C12orf42: variants seen among roughly 807,000 people sequenced by gnomAD.
C12orf42 encodes the protein uncharacterized protein C12orf42.
A neutral mutation model predicts 21.6 loss-of-function variants in C12orf42; 25 were observed. The observed-to-expected ratio is 1.16, with a 90% CI of 0.84 to 1.62. The LOEUF is 1.62. C12orf42 is among the 40% of genes most tolerant of loss of function. The pLI is 0.00. For synonymous variants in C12orf42, 174 were observed against 175.0 expected (o/e 0.99, Z 0.05); for missense variants, 483 against 459.3 (o/e 1.05, Z -0.47).
At chr12:103,256,990 T>TA (rs529484079) in intron 10 of C12orf42, among the ~76,000 whole-genome samples, 29 of 152,146 alleles carry the variant, frequency 1.9e-4, no homozygotes, top group Admixed American at 5.9e-4. Flanking sequence ...TTTGACTGGA[T>TA]AAAAAAATGC....
At chr12:103,397,889 T>TATATTTCA (rs1328516214) in intron 3 of C12orf42, 1 of 152,172 alleles carries the variant, frequency 6.6e-6, no homozygotes, top group African/African-American at 2.4e-5. Context: ...CAATGTATTA[T>TATATTTCA]ATATTTCGAA....
the C12orf42 span, among the ~76,000 whole-genome samples, chr12:103,509,388 A>G: frequency 6.6e-6 from 1 of 152,186 alleles, no homozygotes; most frequent in Non-Finnish European, 1.5e-5. Context: ...AAAGGAAAAA[A>G]TAAATCTCAG....
the C12orf42 span, among the ~76,000 whole-genome samples, chr12:103,053,745 T>C: frequency 6.6e-6 from 1 of 151,930 alleles, no homozygotes; most frequent in African/African-American, 2.4e-5. Context: ...TTCATTTAAG[T>C]CCATGATCTG....
chr12:103,189,212 GCAGT>G, the C12orf42 span, among the ~76,000 whole-genome samples: 1 of 152,174 alleles, frequency 6.6e-6, no homozygotes, highest in Non-Finnish European at 1.5e-5. Context: ...GAGCTTTTTA[GCAGT>G]CAGTACAAAG....
intron 4 of C12orf42, among the ~76,000 whole-genome samples, chr12:103,289,553 C>T (rs2036666844): frequency 6.6e-6 from 1 of 151,996 alleles, no homozygotes; most frequent in South Asian, 2.1e-4. Flanking sequence ...AAAAATTTTT[C>T]CTATAGTGAA....
the C12orf42 span, among the ~76,000 whole-genome samples, chr12:103,080,541 G>A: frequency 6.6e-6 from 1 of 151,990 alleles, no homozygotes; most frequent in Non-Finnish European, 1.5e-5. Context: ...ACTTTATCCA[G>A]CACCTGACTA....
chr12:103,255,181 G>A (rs1179311270), intron 10 of C12orf42, among the ~76,000 whole-genome samples: 1 of 152,012 alleles, frequency 6.6e-6, no homozygotes, highest in Admixed American at 6.6e-5. Context: ...GACCATCCTG[G>A]CCAACATGGT....
the C12orf42 span, among the ~76,000 whole-genome samples, chr12:103,066,895 C>G: frequency 1.3e-5 from 2 of 152,130 alleles, no homozygotes; most frequent in African/African-American, 4.8e-5. Flanking sequence ...TGTGGGACAC[C>G]ACCCAGCCTC....
chr12:103,065,506 G>C, the C12orf42 span, among the ~76,000 whole-genome samples: 3 of 152,180 alleles, frequency 2.0e-5, no homozygotes. Flanking sequence ...ATCTTAGTCA[G>C]AGAGATCTTG....
the C12orf42 span, among the ~76,000 whole-genome samples, chr12:103,151,323 C>T: frequency 2.3e-3 from 340 of 147,176 alleles, no homozygotes; most frequent in Non-Finnish European, 3.6e-3. Context: ...AATATCAATT[C>T]TGCACAAACT....
At chr12:103,204,395 C>T in the C12orf42 span, among the ~76,000 whole-genome samples, 3 of 151,978 alleles carry the variant, frequency 2.0e-5, no homozygotes, top group Admixed American at 6.6e-5. Context: ...ATTTTTTTTC[C>T]TCAACTACTG....
downstream of C12orf42, among the ~76,000 whole-genome samples, chr12:103,233,180 A>T (rs1001172507): frequency 2.4e-4 from 37 of 152,106 alleles, no homozygotes; most frequent in African/African-American, 8.4e-4. Context: ...TTTCATTGTT[A>T]TATTTGTCTG....
intron 2 of C12orf42, among the ~76,000 whole-genome samples, chr12:103,432,533 T>C (rs1950341982): frequency 6.6e-6 from 1 of 152,238 alleles, no homozygotes; most frequent in Non-Finnish European, 1.5e-5. Context: ...AGGAGGTTTC[T>C]GCTCTCTAAA....
the C12orf42 span, among the ~76,000 whole-genome samples, chr12:103,084,525 A>G: frequency 6.6e-6 from 1 of 152,208 alleles, no homozygotes; most frequent in African/African-American, 2.4e-5. Flanking sequence ...ATTCAGTTGT[A>G]GATATATATA....
chr12:103,072,364 A>C, the C12orf42 span, among the ~76,000 whole-genome samples: 1 of 152,164 alleles, frequency 6.6e-6, no homozygotes, highest in Non-Finnish European at 1.5e-5. Flanking sequence ...ACAGAAGAAC[A>C]GATCCTATAC....
intron 4 of C12orf42, among the ~76,000 whole-genome samples, chr12:103,325,539 G>A (rs1396851886): frequency 1.3e-5 from 2 of 152,220 alleles, no homozygotes; most frequent in South Asian, 2.1e-4. Context: ...AGAAGGCTGA[G>A]TCTTGCCATA....
chr12:103,131,629 A>C, the C12orf42 span, among the ~76,000 whole-genome samples: 1 of 152,348 alleles, frequency 6.6e-6, no homozygotes, highest in Admixed American at 6.5e-5. Context: ...AATAGAAATC[A>C]ACAAGAAACC....
At chr12:103,229,918 C>T in the C12orf42 span, among the ~76,000 whole-genome samples, 8 of 152,192 alleles carry the variant, frequency 5.3e-5, no homozygotes, top group South Asian at 2.1e-4. Flanking sequence ...CCACCACATC[C>T]GAGGAGTGAG....
intron 3 of C12orf42, among the ~76,000 whole-genome samples, chr12:103,388,801 G>A (rs771296909): frequency 6.6e-6 from 1 of 152,108 alleles, no homozygotes; most frequent in Non-Finnish European, 1.5e-5. Context: ...TTCTAGTCTT[G>A]GTCAAAACCT....
Sources: allele counts gnomAD v4.1 joint callset (sites outside exome capture counted in the v4.1 genomes callset), GRCh38; gene constraint gnomAD v4.1.1; transcripts MANE v1.5; gene names NCBI Gene and HGNC (gene_info 2026-07-23, HGNC 2026-07-21).